Variants in RHOH observed in about 807,000 individuals in gnomAD.
The protein encoded by RHOH is rho-related GTP-binding protein RhoH.
In RHOH, 6 loss-of-function variants were observed where a neutral mutation model predicts 13.8. That is an observed-to-expected ratio of 0.44 (90% confidence interval 0.24 to 0.86). The LOEUF (loss-of-function observed/expected upper bound fraction) is 0.86, where lower values mean the gene tolerates loss of function less well. RHOH is among the 40% of genes least tolerant of loss of function. RHOH has a pLI of 0.24. For synonymous variants in RHOH, 117 were observed against 103.0 expected, an observed-to-expected ratio of 1.14 and a Z score of -0.82; for missense variants, 147 against 244.5, an observed-to-expected ratio of 0.60 and a Z score of 2.66.
rs545887342 is a variant in RHOH, at chr4:40,211,191, G to T, written c.-331+13891G>T. ...ATATTAGCACACTAGTCCCTCAAGA[G>T]GTATGTTTTGTAAGTTGAATGGAAC... On this transcript the variant is annotated intron_variant, in intron 1 of 2. Transcript: ENST00000381799. 1.2e-4 allele frequency among the ~76,000 whole-genome samples: 18 copies of T among 151,898 alleles called. No individual in the cohort carries two copies. The South Asian group carries it at 1.5e-3, about 12-fold the overall frequency.
chr4:40,245,638 C>G lies in RHOH; in HGVS notation c.*1676C>G, dbSNP rs555120569. 1.3e-5 allele frequency: 2 copies of G among 152,012 alleles called. No individual in the cohort carries two copies. The highest frequency in any genetic ancestry group is 4.8e-5 in the African/African-American group (2 of 41,460). The allele number at this position is 152,012 out of a possible 1,614,324, so 9.4% of individuals were successfully genotyped here. A position where few individuals can be genotyped will look rare whatever the true frequency, so the allele number is the denominator to read the frequency against. ...GCCCTAATCAAAACTTAGAAACACT[C>G]TGAACCACCTTTATGAAGGTACATC... On this transcript the variant is annotated 3_prime_UTR_variant, in exon 3 of 3. Coordinates refer to ENST00000381799, the MANE Select transcript of RHOH (RefSeq NM_004310.5).
At chr4:40,233,582 T>C (rs997270424) in intron 1 of RHOH, among the ~76,000 whole-genome samples, 3 of 152,200 alleles carry the variant, frequency 2.0e-5, no homozygotes, top group African/African-American at 7.2e-5. Flanking sequence ...GCAAACTTTT[T>C]TGTGTAAAGA....
chr4:40,241,088 A>G (rs571401552), intron 1 of RHOH, among the ~76,000 whole-genome samples: 11 of 152,230 alleles, frequency 7.2e-5, no homozygotes, highest in Non-Finnish European at 1.6e-4. Flanking sequence ...AAATGCATAT[A>G]TTTAAGTTGC....
At chr4:40,198,845 G>A (rs1297242574) in intron 1 of RHOH, among the ~76,000 whole-genome samples, 1 of 152,202 alleles carries the variant, frequency 6.6e-6, no homozygotes, top group Non-Finnish European at 1.5e-5. Context: ...TTCTTTGCAT[G>A]TCTAAATGAG....
In RHOH at chr4:40,243,622, T is replaced by C; in HGVS notation, c.236T>C (p.Val79Ala). ...CTGTCCTACCAGCAGGCAGACGTGG[T>C]GCTGATGTGCTACTCTGTGGCCAAC... ...RPLSYQQADV[V>A]LMCYSVANHN... is the part of the protein sequence containing the mutation. Residue 79 changes from valine to alanine, a missense_variant, in exon 3 of 3, where the codon GTG becomes GCG. Around this residue, in one of 3 missense-constraint regions of RHOH, gnomAD observed 80 missense variants for 152.0 expected, o/e 0.53. Coordinates refer to ENST00000381799, the MANE Select transcript of RHOH (RefSeq NM_004310.5). This position sits in a 1 kb window ranked among gnomAD's most constrained non-coding sequence, Gnocchi z 6.2. 10 of 1,614,168 alleles carry C rather than the reference T, an allele frequency of 6.2e-6. No individual in the cohort carries two copies. Among genetic ancestry groups the C allele is most frequent in the Non-Finnish European group, 7.6e-6 (9 of 1,180,018 alleles).
chr4:40,192,751 G>A (rs1722756152), upstream of RHOH, among the ~76,000 whole-genome samples: 1 of 152,176 alleles, frequency 6.6e-6, no homozygotes, highest in Non-Finnish European at 1.5e-5. Flanking sequence ...ATCCTGGAGG[G>A]GGCATGTTTA....
At chr4:40,195,265 T>C (rs992796285), upstream of RHOH, among the ~76,000 whole-genome samples, 16 of 152,190 alleles carry the variant, frequency 1.1e-4, no homozygotes, top group African/African-American at 3.6e-4. Context: ...AAAGAAAATA[T>C]CCACAAGCTT....
chr4:40,217,514 C>T (rs1007484703), intron 1 of RHOH, among the ~76,000 whole-genome samples: 9 of 152,136 alleles, frequency 5.9e-5, no homozygotes, highest in African/African-American at 1.9e-4. Context: ...TTTCCTCTCT[C>T]TATTTTTACT....
chr4:40,206,149 G>A (rs1724612900), intron 1 of RHOH, among the ~76,000 whole-genome samples: 1 of 152,212 alleles, frequency 6.6e-6, no homozygotes, highest in Admixed American at 6.5e-5. Context: ...TAGCAACCTA[G>A]TTGCCCATGC....
intron 1 of RHOH, among the ~76,000 whole-genome samples, chr4:40,237,752 A>G (rs1430967784): frequency 1.3e-5 from 2 of 152,180 alleles, no homozygotes; most frequent in African/African-American, 4.8e-5. Context: ...TATTCTCTGT[A>G]ATTGATAGGC....
intron 1 of RHOH, among the ~76,000 whole-genome samples, chr4:40,237,728 A>G (rs1423366913): frequency 6.6e-6 from 1 of 152,180 alleles, no homozygotes; most frequent in African/African-American, 2.4e-5. Flanking sequence ...CTTGAGGAGG[A>G]TGACATTTAG....
chr4:40,240,816 G>A (rs914319391), intron 1 of RHOH, among the ~76,000 whole-genome samples: 7 of 151,602 alleles, frequency 4.6e-5, no homozygotes, highest in African/African-American at 9.7e-5. Flanking sequence ...ATAAATGTCC[G>A]AAGCATGTAC....
At chr4:40,192,728 G>A (rs1289054081), upstream of RHOH, among the ~76,000 whole-genome samples, 2 of 152,184 alleles carry the variant, frequency 1.3e-5, no homozygotes, top group Non-Finnish European at 2.9e-5. Context: ...GAAGGGGACC[G>A]TTTGCACAGG....
At chr4:40,199,307 T>C (rs527464466) in intron 1 of RHOH, among the ~76,000 whole-genome samples, 11 of 152,330 alleles carry the variant, frequency 7.2e-5, no homozygotes, top group African/African-American at 2.6e-4. Context: ...GAAGGTGTTA[T>C]GAGCCCTGGC....
At chr4:40,207,016 G>A (rs2109383560) in intron 1 of RHOH, among the ~76,000 whole-genome samples, 1 of 152,224 alleles carries the variant, frequency 6.6e-6, no homozygotes, top group Admixed American at 6.5e-5. Context: ...AGACCAGCCT[G>A]GCCAAGATGG....
At chr4:40,191,236 G>A (rs774443284), upstream of RHOH, 8 of 152,234 alleles carry the variant, frequency 5.3e-5, no homozygotes, top group East Asian at 1.9e-4. Context: ...AGAGCCTGCC[G>A]CACAATCTTT....
upstream of RHOH, among the ~76,000 whole-genome samples, chr4:40,191,741 T>A (rs964300398): frequency 2.3e-4 from 35 of 152,148 alleles, no homozygotes; most frequent in African/African-American, 8.2e-4. Flanking sequence ...CAAACCAGAA[T>A]AAACATGGCA....
intron 1 of RHOH, among the ~76,000 whole-genome samples, chr4:40,230,441 C>T (rs1727781932): frequency 6.6e-6 from 1 of 152,018 alleles, no homozygotes; most frequent in South Asian, 2.1e-4. Context: ...AGCGATTTTC[C>T]TGACCCAGCC....
At chr4:40,242,687 C>T (rs1056808742) in intron 1 of RHOH, 27 bp from the exon 2 acceptor site, 4 of 152,182 alleles carry the variant, frequency 2.6e-5, no homozygotes, top group African/African-American at 7.2e-5. Context: ...TAGTATCTGT[C>T]GCTCATAACG....
Sources: gnomAD v4.1 joint callset for allele counts (sites outside exome capture counted in the v4.1 genomes callset) on GRCh38, gnomAD v4.1.1 for gene constraint, gnomAD v4.1.1 regional missense constraint, Gnocchi (gnomAD v3.1) non-coding constraint, MANE v1.5 for transcripts, NCBI Gene and HGNC (gene_info 2026-07-23, HGNC 2026-07-21) for gene names.